Variants in ELFN2 observed in about 807,000 individuals in gnomAD.
The protein encoded by ELFN2 is extracellular leucine rich repeat and fibronectin type III domain containing 2.
Under a neutral mutation model 45.5 loss-of-function variants are expected in ELFN2, and 17 were observed. The ratio of observed to expected loss-of-function variants is 0.37; its 90% CI spans 0.26 to 0.56. The LOEUF (loss-of-function observed/expected upper bound fraction) is 0.56, where lower values mean the gene tolerates loss of function less well. Ranked by LOEUF, ELFN2 falls within the 20% of genes least tolerant of loss-of-function variation. ELFN2 has a pLI of 0.77. For missense variants in ELFN2, 922 were observed against 1,183.2 expected, an observed-to-expected ratio of 0.78 and a Z score of 3.24; for synonymous variants, 550 against 551.5, an observed-to-expected ratio of 1.00 and a Z score of 0.04.
In ELFN2 at chr22:37,375,025, G is replaced by A. The variant is rs763866197; in HGVS notation, c.510C>T (p.Thr170=). 6.2e-7 allele frequency: 1 copy of A among 1,613,528 alleles called. No individual in the cohort carries two copies. The highest frequency in any genetic ancestry group is 8.5e-7 in the Non-Finnish European group (1 of 1,180,012). ...CCATCAGGCTGGCGAGGCTGGCAAA[G>A]GTGGCACCGTCCAGGCGGCTGAGGC... ...SNRLSRLDGA[T]FASLASLMVC... Residue 170 remains threonine (T), a synonymous_variant, in exon 3 of 3, where the codon ACC becomes ACT. Transcript: ENST00000402918.
At chr22:37,354,566 T>A (rs999224820) in intron 1 of ELFN2, 1 of 151,984 alleles carries the variant, frequency 6.6e-6, no homozygotes, top group African/African-American at 2.4e-5. Context: ...CACAACCCCA[T>A]CCGCAGTAAC....
Position 37,374,115 on chromosome 22 carries a change from G to A in ELFN2, c.1420C>T (p.Pro474Ser), listed in dbSNP as rs150864906. 8.3e-4 allele frequency: 1,341 copies of A among 1,613,012 alleles called. 1 individual carries two copies. The highest frequency in any genetic ancestry group is 1.2e-3 in the Admixed American group (75 of 60,010). ...VLPVSRMASIPSMIGEKLPTA... is the reference protein window; with the variant it reads ...VLPVSRMASISSMIGEKLPTA... ...GGCAGCTTCTCCCCGATCATGGAGG[G>A]GATGGAGGCCATGCGAGATACGGGC... Residue 474 changes from proline (P) to serine (S), a missense_variant, in exon 3 of 3, where the codon CCC (proline) becomes TCC (serine). By Grantham distance (74) the Pro-to-Ser change is moderately conservative (BLOSUM62 -1). Coordinates refer to ENST00000402918, the MANE Select transcript of ELFN2 (RefSeq NM_052906.5).
At chr22:37,398,491 C>G (rs2145668049) in intron 2 of ELFN2, among the ~76,000 whole-genome samples, 1 of 152,158 alleles carries the variant, frequency 6.6e-6, no homozygotes, top group South Asian at 2.1e-4. Flanking sequence ...CCCCCTACCC[C>G]AGTAAAGCCC....
At chr22:37,364,462 G>C (rs1411373579), downstream of ELFN2, among the ~76,000 whole-genome samples, 1 of 152,202 alleles carries the variant, frequency 6.6e-6, no homozygotes, top group African/African-American at 2.4e-5. Context: ...CACTCAGAGG[G>C]GACAGGGGCC....
At position 37,373,632 on chromosome 22, in the gene ELFN2, C is replaced by T. The variant is rs760583940; in HGVS notation, c.1903G>A (p.Gly635Ser). Residue 635 changes from glycine to serine, a missense_variant, in exon 3 of 3, where the codon GGT becomes AGT. By Grantham distance (56) the Gly-to-Ser change is moderately conservative (BLOSUM62 0). Transcript: ENST00000402918. ...AAGACCTTGGCGCTCTTGATGGAAC[C>T]ACTGGACGACACGCTGCAGGTCTTG... ...TRKTCSVSSS[G>S]SIKSAKVFSL... 1.6e-5 allele frequency: 26 copies of T among 1,596,556 alleles called. No individual in the cohort carries two copies. The highest frequency in any genetic ancestry group is 2.0e-5 in the Non-Finnish European group (23 of 1,172,590).
Position 37,407,687 on chromosome 22 carries a change from G to A in ELFN2, c.-463+10082C>T, listed in dbSNP as rs185827676. Among the ~76,000 whole-genome samples the A allele has an allele frequency of 2.7e-4, 41 of 152,064 alleles. 1 individual carries two copies. The East Asian group carries it at 7.8e-3, about 29-fold the overall frequency. ...CTGAGGTGGGCGGATCACGAGGTCA[G>A]GAGATTGAGACCATCCTGGCTAACA... On this transcript the variant is annotated intron_variant, in intron 2 of 2. Transcript: ENST00000402918.
chr22:37,360,852 T>C (rs1198507586), intron 1 of ELFN2, among the ~76,000 whole-genome samples: 1 of 151,702 alleles, frequency 6.6e-6, no homozygotes, highest in African/African-American at 2.4e-5. Context: ...AGAACAAAAA[T>C]GGAGATGAAG....
chr22:37,361,612 A>G (rs1176108473), intron 1 of ELFN2, among the ~76,000 whole-genome samples: 4 of 151,992 alleles, frequency 2.6e-5, no homozygotes, highest in African/African-American at 7.3e-5. Context: ...ATCCCACACC[A>G]TCTGACTTCT....
At chr22:37,391,485 C>T (rs1011350124) in intron 2 of ELFN2, among the ~76,000 whole-genome samples, 3 of 152,224 alleles carry the variant, frequency 2.0e-5, no homozygotes, top group East Asian at 3.9e-4. Context: ...GCCAGGCCCC[C>T]GCACACTTCA....
chr22:37,373,840 G>C lies in ELFN2; in HGVS notation c.1695C>G (p.Gly565=). 1.2e-6 allele frequency: 2 copies of C among 1,613,072 alleles called. No individual in the cohort carries two copies. The highest frequency in any genetic ancestry group is 1.7e-6 in the Non-Finnish European group (2 of 1,179,938). Residue 565 remains glycine, a synonymous_variant, in exon 3 of 3, where the codon GGC becomes GGG. Coordinates refer to ENST00000402918, the MANE Select transcript of ELFN2 (RefSeq NM_052906.5). ...GCTCGGGGTCCCCACTGCTGCTGCC[G>C]CCTCCCAGAAAAGAGGCCGAGTCCA... The part of the protein sequence containing the change: ...LKLDSASFLG[G]GSSSGDPELA...
chr22:37,344,936 AG>A (rs1228828308), intron 1 of ELFN2, among the ~76,000 whole-genome samples: 2 of 152,086 alleles, frequency 1.3e-5, no homozygotes, highest in Non-Finnish European at 2.9e-5. Context: ...CTGCTCTGCC[AG>A]GGGGCCCTCC....
chr22:37,415,560 C>T (rs1318055604), intron 2 of ELFN2, among the ~76,000 whole-genome samples: 2 of 152,238 alleles, frequency 1.3e-5, no homozygotes, highest in African/African-American at 2.4e-5. Flanking sequence ...AACTCAGGAC[C>T]GTACTCCCAC....
Position 37,375,636 on chromosome 22 carries a change from G to A in ELFN2, c.-102C>T. 7.2e-7 allele frequency: 1 copy of A among 1,388,802 alleles called. No individual in the cohort carries two copies. Among genetic ancestry groups the A allele is most frequent in the Non-Finnish European group, 9.6e-7 (1 of 1,045,060 alleles). The allele number at this position is 1,388,802 out of a possible 1,614,324, so 86.0% of individuals were successfully genotyped here. A position where few individuals can be genotyped will look rare whatever the true frequency, so the allele number is the denominator to read the frequency against. On this transcript the variant is annotated 5_prime_UTR_variant, in exon 3 of 3. Coordinates refer to ENST00000402918, the MANE Select transcript of ELFN2 (RefSeq NM_052906.5). ...TCCTCCCTGGGGCCGCCACCATCTT[G>A]GGGGCGACCCCCAGCACGGGGGCCC...
downstream of ELFN2, among the ~76,000 whole-genome samples, chr22:37,364,251 G>A (rs115936503): frequency 1.9e-3 from 282 of 152,286 alleles, 4 homozygotes; most frequent in African/African-American, 6.4e-3. Context: ...TGGAAGCCTC[G>A]GGGAGGCCAG....
chr22:37,352,869 G>T lies in ELFN2; in HGVS notation n.149-10166C>A, dbSNP rs566167580. 8.6e-5 allele frequency among the ~76,000 whole-genome samples: 13 copies of T among 151,070 alleles called. No individual in the cohort carries two copies. In the South Asian group the frequency reaches 2.7e-3, roughly 31 times the overall value. On this transcript the variant is annotated intron_variant and non_coding_transcript_variant, in intron 1 of 2. Coordinates refer to ENST00000452946, the Ensembl canonical transcript of ELFN2. Reference sequence around the variant, plus strand: ...ATGCACTCTGATGTTCGTTTTTAACGATCTTGCTACTTCTGGCTGCTGGGC... The same window carrying T: ...ATGCACTCTGATGTTCGTTTTTAACTATCTTGCTACTTCTGGCTGCTGGGC...
chr22:37,415,677 G>T (rs2145686005), intron 2 of ELFN2, among the ~76,000 whole-genome samples: 1 of 152,304 alleles, frequency 6.6e-6, no homozygotes, highest in East Asian at 1.9e-4. Context: ...AAGTAATGAT[G>T]GTGGGCCAGG....
chr22:37,381,975 A>AG (rs1931791390), intron 2 of ELFN2, among the ~76,000 whole-genome samples: 1 of 147,774 alleles, frequency 6.8e-6, no homozygotes, highest in Non-Finnish European at 1.5e-5. Context: ...AAAAAAAAAA[A>AG]AAAAAAAAAA....
chr22:37,375,733 G>T lies in ELFN2; in HGVS notation c.-199C>A. On this transcript the variant is annotated 5_prime_UTR_variant, in exon 3 of 3. Coordinates refer to ENST00000402918, the MANE Select transcript of ELFN2 (RefSeq NM_052906.5). Reference sequence around the variant, plus strand: ...GGTGCTACAGCAGGCACTAGGCCTGGCTAGGGCTGGGGGTGGGGGCCCCAC... The same window carrying T: ...GGTGCTACAGCAGGCACTAGGCCTGTCTAGGGCTGGGGGTGGGGGCCCCAC... 1 of 654,990 alleles carries T rather than the reference G, an allele frequency of 1.5e-6. No individual in the cohort carries two copies. The highest frequency in any genetic ancestry group is 1.9e-5 in the African/African-American group (1 of 52,798). The allele number at this position is 654,990 out of a possible 1,614,324, so 40.6% of individuals were successfully genotyped here.
At chr22:37,343,379 A>T (rs1046917223) in intron 1 of ELFN2, among the ~76,000 whole-genome samples, 1 of 151,768 alleles carries the variant, frequency 6.6e-6, no homozygotes, top group Non-Finnish European at 1.5e-5. Flanking sequence ...CCACCTAGAG[A>T]TGGGCACTAC....
Sources: gnomAD v4.1 joint callset for allele counts (sites outside exome capture counted in the v4.1 genomes callset) on GRCh38, gnomAD v4.1.1 for gene constraint, MANE v1.5 for transcripts, NCBI Gene and HGNC (gene_info 2026-07-23, HGNC 2026-07-21) for gene names.